ZNF786: variants seen among roughly 807,000 people sequenced by gnomAD.
ZNF786 encodes the protein zinc finger protein 786.
In ZNF786, 56 loss-of-function variants were observed where a neutral mutation model predicts 63.1. The observed-to-expected ratio is 0.89, with a 90% CI of 0.72 to 1.11. The LOEUF (loss-of-function observed/expected upper bound fraction) is 1.11, where lower values mean the gene tolerates loss of function less well. Among genes scored for constraint, ZNF786 ranks in the 50% least tolerant of loss-of-function variants. The pLI, the probability that ZNF786 is intolerant of heterozygous loss-of-function variation, is 0.00. For missense variants in ZNF786, 1,213 were observed against 1,041.8 expected (o/e 1.16, Z -2.26); for synonymous variants, 485 against 406.9 (o/e 1.19, Z -2.31).
rs1825432568 is a variant in ZNF786 at position 149,071,957 on chromosome 7, T to C, written c.815A>G (p.Asp272Gly). Residue 272 changes from aspartate to glycine, a missense_variant, in exon 4 of 4, where the codon GAC (aspartate) becomes GGC (glycine). Physicochemically the swap from Asp to Gly is moderately conservative, Grantham distance 94. Transcript: ENST00000491431. ...HTGRGPFRNA[D>G]GEMCFRHELT... ...CTCGTGTCGGAAGCACATTTCACCG[T>C]CAGCGTTCCGGAAGGGGCCCCTCCC... is the stretch of plus-strand genomic sequence containing the variant. 6.2e-7 allele frequency: 1 copy of C among 1,611,756 alleles called. No homozygotes were observed.
intron 2 of ZNF786, among the ~76,000 whole-genome samples, chr7:149,079,134 C>T (rs1386468350): frequency 6.6e-6 from 1 of 152,166 alleles, no homozygotes; most frequent in Non-Finnish European, 1.5e-5. Context: ...ACGGGCTGGG[C>T]GTGGTGGCTC....
At chr7:149,084,512 G>C (rs1434221052) in intron 1 of ZNF786, among the ~76,000 whole-genome samples, 8 of 152,042 alleles carry the variant, frequency 5.3e-5, no homozygotes, top group Non-Finnish European at 1.0e-4. Context: ...TAGCCATTCT[G>C]ACTGATACGG....
chr7:149,084,736 T>C (rs781429060), intron 1 of ZNF786, among the ~76,000 whole-genome samples: 2 of 152,210 alleles, frequency 1.3e-5, no homozygotes, highest in Non-Finnish European at 2.9e-5. Context: ...TCCCATTCTG[T>C]AGGGTGTCTG....
chr7:149,086,785 G>A (rs955016125), intron 1 of ZNF786, among the ~76,000 whole-genome samples: 3 of 151,742 alleles, frequency 2.0e-5, no homozygotes, highest in Non-Finnish European at 2.9e-5. Flanking sequence ...ATTCATGAGG[G>A]ATCCACCCCC....
rs1165418593 is a variant in ZNF786, at chr7:149,072,168, A to G, written c.604T>C (p.Leu202=). Residue 202 remains leucine, a synonymous_variant, in exon 4 of 4, where the codon TTA becomes CTA. Transcript: ENST00000491431. ...GAGTGGCCTCTCTGGTGCATTACTA[A>G]ATGGTTGTTCTCCCAACAGCTTTCC... The part of the protein sequence containing the change: ...CGESCWENNH[L]VMHQRGHSKD... 1 of 1,613,040 alleles carries G rather than the reference A, an allele frequency of 6.2e-7. No individual in the cohort carries two copies. Among genetic ancestry groups the G allele is most frequent in the Non-Finnish European group, 8.5e-7 (1 of 1,179,736 alleles).
intron 3 of ZNF786, among the ~76,000 whole-genome samples, chr7:149,073,747 G>GTGTGTGTATATA (rs1447329296): frequency 1.3e-5 from 1 of 77,570 alleles, no homozygotes; most frequent in Non-Finnish European, 2.5e-5. Context: ...GTGTGTGTGT[G>GTGTGTGTATATA]TATATATATA....
intron 1 of ZNF786, chr7:149,082,444 G>T: frequency 1.8e-6 from 1 of 564,454 alleles, no homozygotes; most frequent in Non-Finnish European, 2.2e-6. Flanking sequence ...CTCACAACTA[G>T]GAGTATGTAA....
At position 149,074,512 on chromosome 7, in the gene ZNF786, T is replaced by C; in HGVS notation, c.172A>G (p.Ile58Val). 3 of 1,613,876 alleles carry C rather than the reference T, an allele frequency of 1.9e-6. No individual in the cohort carries two copies. Among genetic ancestry groups the C allele is most frequent in the Non-Finnish European group, 2.5e-6 (3 of 1,179,846 alleles). Residue 58 changes from isoleucine to valine, a missense_variant, in exon 3 of 4, where the codon ATA becomes GTA. Ile to Val is a conservative substitution (Grantham distance 29). Coordinates refer to ENST00000491431, the MANE Select transcript of ZNF786 (RefSeq NM_152411.4). ...TCTCCCCCGTGTTCAATCCAGGATA[T>C]TAGTTCTGGTTTTGGAAGTCCATCA... The part of the protein sequence containing the change: ...LDDGLPKPEL[I>V]SWIEHGGEPF...
chr7:149,071,921 G>C lies in ZNF786; in HGVS notation c.851C>G (p.Pro284Arg). 6.2e-7 allele frequency: 1 copy of C among 1,607,704 alleles called. No individual in the cohort carries two copies. ...EMCFRHELTH[P>R]SHRLPQQGEK... ...CCCCTGCTGCGGGAGGCGGTGGCTG[G>C]GATGGGTCAGCTCGTGTCGGAAGCA... Residue 284 changes from proline to arginine, a missense_variant, in exon 4 of 4, where the codon CCC becomes CGC. Coordinates refer to ENST00000491431, the MANE Select transcript of ZNF786 (RefSeq NM_152411.4).
At position 149,071,074 on chromosome 7, in the gene ZNF786, C is replaced by A. The variant is rs1351040337; in HGVS notation, c.1698G>T (p.Ser566=). 1.1e-5 allele frequency: 18 copies of A among 1,608,236 alleles called. No individual in the cohort carries two copies. Among genetic ancestry groups the A allele is most frequent in the East Asian group, 2.2e-5 (1 of 44,608 alleles). The change falls in exon 4 of 4, where the codon TCG becomes TCT. Residue 566 remains serine, a synonymous_variant. Transcript: ENST00000491431. ...QHTHSKERPF[S]CGECGKGFTR... ...TGAAGCCCTTGCCACACTCCCCGCA[C>A]GAGAACGGCCTCTCCTTGCTGTGCG...
intron 3 of ZNF786, among the ~76,000 whole-genome samples, chr7:149,072,814 A>G (rs1395020375): frequency 6.6e-6 from 1 of 152,234 alleles, no homozygotes; most frequent in East Asian, 1.9e-4. Context: ...CTCCTTCTGT[A>G]AAAACATGGA....
intron 1 of ZNF786, among the ~76,000 whole-genome samples, chr7:149,083,658 G>A (rs1020179115): frequency 1.3e-5 from 2 of 152,128 alleles, no homozygotes; most frequent in East Asian, 1.9e-4. Context: ...CATAGTACCC[G>A]ATAAGGAATT....
rs774030197 is a variant in ZNF786, at chr7:149,080,729, G to A, written c.19-12C>T. 1.3e-6 allele frequency: 2 copies of A among 1,590,948 alleles called. No individual in the cohort carries two copies. Among genetic ancestry groups the A allele is most frequent in the South Asian group, 2.3e-5 (2 of 86,528 alleles). ...AAAGTCAGAGGTAGCTGAAATTGTAGACATAAGACATATGCATTCATGGTT... is the reference window on the plus strand; with the variant it reads ...AAAGTCAGAGGTAGCTGAAATTGTAAACATAAGACATATGCATTCATGGTT... On this transcript the variant is annotated splice_polypyrimidine_tract_variant and intron_variant, in intron 1 of 3. Transcript: ENST00000491431.
In ZNF786 at chr7:149,076,093, G is replaced by A. The variant is rs147674279; in HGVS notation, c.146-1555C>T. Among the ~76,000 whole-genome samples the A allele has an allele frequency of 1.6e-4, 24 of 151,966 alleles. No individual in the cohort carries two copies. The East Asian group carries it at 4.5e-3, about 28-fold the overall frequency. Reference sequence around the variant, plus strand: ...CATGTTCTTATTTTAAAATATATATGTATAAATAAAATGTTGCTGGGTTTT... The same window carrying A: ...CATGTTCTTATTTTAAAATATATATATATAAATAAAATGTTGCTGGGTTTT... On this transcript the variant is annotated intron_variant, in intron 2 of 3. Coordinates refer to ENST00000491431, the MANE Select transcript of ZNF786 (RefSeq NM_152411.4).
chr7:149,089,965 T>C (rs1418973560), intron 1 of ZNF786, among the ~76,000 whole-genome samples: 1 of 152,148 alleles, frequency 6.6e-6, no homozygotes, highest in Non-Finnish European at 1.5e-5. Flanking sequence ...TCCACCCGCC[T>C]CGGCCTCCCA....
Position 149,071,326 on chromosome 7 carries a change from C to T in ZNF786, c.1446G>A (p.Gln482=), listed in dbSNP as rs765172914. ...QRLHTDEKPF[Q]CPECGLSFRL... ...GGAAGCTCAGCCCACACTCTGGGCA[C>T]TGAAAGGGCTTCTCGTCCGTGTGCA... The change falls in exon 4 of 4, where the codon CAG becomes CAA. Residue 482 remains glutamine, a synonymous_variant. Coordinates refer to ENST00000491431, the MANE Select transcript of ZNF786 (RefSeq NM_152411.4). The T allele has an allele frequency of 6.2e-7, 1 of 1,613,392 alleles. No homozygotes were observed. Among genetic ancestry groups the T allele is most frequent in the Non-Finnish European group, 8.5e-7 (1 of 1,179,834 alleles).
At position 149,070,446 on chromosome 7, in the gene ZNF786, T is replaced by G; in HGVS notation, c.2326A>C (p.Met776Leu). ...IKKRLSQLFA[M>L]IEADWS ...CCTCAACTCCAATCGGCCTCTATCA[T>G]TGCAAACAGTTGGCTGAGCCTTTTC... Residue 776 changes from methionine (M) to leucine (L), a missense_variant, in exon 4 of 4, where the codon ATG (methionine) becomes CTG (leucine). By Grantham distance (15) the Met-to-Leu change is conservative. Transcript: ENST00000491431. 1 of 1,613,780 alleles carries G rather than the reference T, an allele frequency of 6.2e-7. No homozygotes were observed. The highest frequency in any genetic ancestry group is 8.5e-7 in the Non-Finnish European group (1 of 1,179,708).
intron 2 of ZNF786, 96 bp from the exon 3 acceptor site, chr7:149,074,634 G>T: frequency 7.9e-7 from 1 of 1,272,064 alleles, no homozygotes; most frequent in Non-Finnish European, 1.0e-6. Flanking sequence ...GACAAAGTAT[G>T]AGAACAACAT....
In ZNF786 at chr7:149,072,225, C is replaced by T; in HGVS notation, c.547G>A (p.Glu183Lys). ...ACAGGCCAAGGGTGCTGGGTGCTCTCCCAGGCGGGGACGTCCCACAAACCA... is the reference window on the plus strand; with the variant it reads ...ACAGGCCAAGGGTGCTGGGTGCTCTTCCAGGCGGGGACGTCCCACAAACCA... ...LPGLWDVPAW[E>K]STQHPWPVCG... The change falls in exon 4 of 4, where the codon GAG becomes AAG. Residue 183 changes from glutamate (E) to lysine (K), a missense_variant. Physicochemically the swap from Glu to Lys is moderately conservative, Grantham distance 56. Coordinates refer to ENST00000491431, the MANE Select transcript of ZNF786 (RefSeq NM_152411.4). 1 of 1,613,600 alleles carries T rather than the reference C, an allele frequency of 6.2e-7. No individual in the cohort carries two copies. Among genetic ancestry groups the T allele is most frequent in the Non-Finnish European group, 8.5e-7 (1 of 1,179,778 alleles).
Sources: gnomAD v4.1 joint callset for allele counts (sites outside exome capture counted in the v4.1 genomes callset) on GRCh38, gnomAD v4.1.1 for gene constraint, MANE v1.5 for transcripts, NCBI Gene and HGNC (gene_info 2026-07-23, HGNC 2026-07-21) for gene names.